Variants in FAF1 observed in about 807,000 individuals in gnomAD.
FAF1 encodes FAS-associated factor 1.
In FAF1, 25 loss-of-function variants were observed where a neutral mutation model predicts 92.5. The observed-to-expected ratio is 0.27, with a 90% CI of 0.20 to 0.38. The LOEUF (loss-of-function observed/expected upper bound fraction) is 0.38, where lower values mean the gene tolerates loss of function less well. Among genes scored for constraint, FAF1 ranks in the 10% least tolerant of loss-of-function variants. The pLI is 1.00. For synonymous variants in FAF1, 234 were observed against 273.2 expected (o/e 0.86, Z 1.42); for missense variants, 636 against 793.3 (o/e 0.80, Z 2.38).
At position 50,923,670 on chromosome 1, in the gene FAF1, T is replaced by C. The variant is rs139155926; in HGVS notation, c.45+36097A>G. Among the ~76,000 whole-genome samples the C allele has an allele frequency of 6.4e-4, 98 of 152,230 alleles. 1 individual carries two copies. In the East Asian group the frequency reaches 0.018, roughly 28 times the overall value. ...ATATCCCTGATGAACATAGATTCGA[T>C]AGAATCCTCAACAAAATACCAGCAA... is the stretch of plus-strand genomic sequence containing the variant. On this transcript the variant is annotated intron_variant, in intron 1 of 18. Coordinates refer to ENST00000396153, the MANE Select transcript of FAF1 (RefSeq NM_007051.3).
intron 15 of FAF1, among the ~76,000 whole-genome samples, chr1:50,525,855 T>C (rs1647767225): frequency 6.6e-6 from 1 of 152,092 alleles, no homozygotes; most frequent in African/African-American, 2.4e-5. Flanking sequence ...GAATGCAAAA[T>C]ACCTGCATGT....
chr1:50,531,895 T>C (rs1042860071), intron 15 of FAF1, among the ~76,000 whole-genome samples: 10 of 152,190 alleles, frequency 6.6e-5, no homozygotes, highest in Non-Finnish European at 2.9e-5. Context: ...AAGTGATGAA[T>C]ACAATTTAAA....
intron 4 of FAF1, among the ~76,000 whole-genome samples, chr1:50,753,934 TTTTGGCA>T (rs1659974162): frequency 6.6e-6 from 1 of 151,970 alleles, no homozygotes; most frequent in African/African-American, 2.4e-5. Flanking sequence ...ATTTTTGTAT[TTTTGGCA>T]GAGACGGGGT....
rs374088035 is a variant in FAF1 at position 50,567,013 on chromosome 1, G to A, written c.1268+64C>T. 5.8e-5 allele frequency: 73 copies of A among 1,252,096 alleles called. No individual in the cohort carries two copies. The East Asian group carries it at 1.4e-3, about 23-fold the overall frequency. The allele number at this position is 1,252,096 out of a possible 1,614,324, so 77.6% of individuals were successfully genotyped here. ...GAGGATGAAAAATGTTTATGATGATGATAAACACAATGATTTTTTTTTTAA... is the reference window on the plus strand; with the variant it reads ...GAGGATGAAAAATGTTTATGATGATAATAAACACAATGATTTTTTTTTTAA... On this transcript the variant is annotated intron_variant, in intron 13 of 18. Coordinates refer to ENST00000396153, the MANE Select transcript of FAF1 (RefSeq NM_007051.3).
intron 1 of FAF1, among the ~76,000 whole-genome samples, chr1:50,926,209 T>C (rs1204218317): frequency 6.6e-6 from 1 of 152,172 alleles, no homozygotes; most frequent in African/African-American, 2.4e-5. Context: ...AGAAAGATCC[T>C]GTCTCTAAAC....
At chr1:50,911,590 G>A (rs891539849) in intron 1 of FAF1, among the ~76,000 whole-genome samples, 72 of 151,604 alleles carry the variant, frequency 4.7e-4, no homozygotes, top group African/African-American at 1.6e-3. Context: ...TCAGCTACTC[G>A]GGAGGCTGAG....
intron 8 of FAF1, among the ~76,000 whole-genome samples, chr1:50,634,930 A>G (rs1451132136): frequency 6.6e-6 from 1 of 152,190 alleles, no homozygotes; most frequent in South Asian, 2.1e-4. Context: ...AGGATAACAG[A>G]TAGTAACTAT....
intron 1 of FAF1, among the ~76,000 whole-genome samples, chr1:50,924,042 A>T (rs1270822572): frequency 6.6e-6 from 1 of 152,226 alleles, no homozygotes; most frequent in African/African-American, 2.4e-5. Context: ...CTGTTATTCA[A>T]CATAGTACTA....
At chr1:50,804,422 C>T (rs972109985) in intron 2 of FAF1, among the ~76,000 whole-genome samples, 7 of 151,630 alleles carry the variant, frequency 4.6e-5, no homozygotes, top group Non-Finnish European at 1.0e-4. Flanking sequence ...AAAAACAAAA[C>T]AAATAAAAAT....
intron 1 of FAF1, among the ~76,000 whole-genome samples, chr1:50,881,048 T>C (rs1250091864): frequency 6.6e-6 from 1 of 152,218 alleles, no homozygotes; most frequent in African/African-American, 2.4e-5. Context: ...GTAATTAGTC[T>C]GAGTGGGGTT....
chr1:50,907,194 G>A (rs1209696370), intron 1 of FAF1, among the ~76,000 whole-genome samples: 6 of 152,132 alleles, frequency 3.9e-5, no homozygotes, highest in Non-Finnish European at 5.9e-5. Context: ...ATTGATTTGC[G>A]TAAGTTGAAC....
chr1:50,666,167 G>C (rs1040092515), intron 7 of FAF1, among the ~76,000 whole-genome samples: 1 of 151,704 alleles, frequency 6.6e-6, no homozygotes, highest in Non-Finnish European at 1.5e-5. Flanking sequence ...GCCCGCCTTG[G>C]CCTCCCAAAT....
At chr1:50,638,167 C>T (rs1345131262) in intron 8 of FAF1, among the ~76,000 whole-genome samples, 1 of 152,076 alleles carries the variant, frequency 6.6e-6, no homozygotes, top group African/African-American at 2.4e-5. Context: ...GGCCCATGAC[C>T]TTGCTAATTT....
intron 6 of FAF1, among the ~76,000 whole-genome samples, chr1:50,721,178 T>C (rs551937798): frequency 3.3e-5 from 5 of 152,240 alleles, no homozygotes; most frequent in African/African-American, 4.8e-5. Flanking sequence ...AAATTTTTTT[T>C]TTTTCTTTTG....
At chr1:50,571,627 G>A (rs1650444484) in intron 12 of FAF1, among the ~76,000 whole-genome samples, 2 of 152,286 alleles carry the variant, frequency 1.3e-5, no homozygotes, top group South Asian at 2.1e-4. Flanking sequence ...TAGTGTCTGG[G>A]ATGCTTATTG....
At chr1:50,578,353 GT>G (rs982310902) in intron 12 of FAF1, among the ~76,000 whole-genome samples, 1 of 152,142 alleles carries the variant, frequency 6.6e-6, no homozygotes, top group African/African-American at 2.4e-5. Context: ...GCCTTAAAAT[GT>G]TTGAACATGA....
chr1:50,909,752 T>G (rs571013897), intron 1 of FAF1, among the ~76,000 whole-genome samples: 4 of 152,356 alleles, frequency 2.6e-5, no homozygotes, highest in Middle Eastern at 3.4e-3. Flanking sequence ...TTCTCTACGC[T>G]GTTTATTCTG....
intron 1 of FAF1, among the ~76,000 whole-genome samples, chr1:50,881,677 G>C (rs372759446): frequency 6.6e-6 from 1 of 152,076 alleles, no homozygotes; most frequent in East Asian, 1.9e-4. Flanking sequence ...TTGCAGAGCT[G>C]ATGTTGTTTT....
At chr1:50,661,135 T>C (rs9970556) in intron 7 of FAF1, among the ~76,000 whole-genome samples, 4,646 of 152,272 alleles carry the variant, frequency 0.031, 253 homozygotes, top group African/African-American at 0.11. Flanking sequence ...TTTAGTACTT[T>C]TTTTTGCATG....
Sources: allele counts gnomAD v4.1 joint callset (sites outside exome capture counted in the v4.1 genomes callset), GRCh38; gene constraint gnomAD v4.1.1; transcripts MANE v1.5; gene names NCBI Gene and HGNC (gene_info 2026-07-23, HGNC 2026-07-21).